Variants in CARHSP1 observed in about 807,000 individuals in gnomAD.
CARHSP1 encodes the protein calcium-regulated heat-stable protein 1.
Under a neutral mutation model 12.5 loss-of-function variants are expected in CARHSP1, and 14 were observed. The observed-to-expected ratio is 1.12, with a 90% CI of 0.74 to 1.75. CARHSP1 has a LOEUF of 1.75. Among genes scored for constraint, CARHSP1 ranks in the 40% most tolerant of loss-of-function variants. CARHSP1 has a pLI of 0.00. For missense variants in CARHSP1, 343 were observed against 201.6 expected (o/e 1.70, Z -4.25); for synonymous variants, 161 against 82.0 (o/e 1.96, Z -5.20).
chr16:8,859,036 C>A lies in CARHSP1; in HGVS notation c.158+135G>T, dbSNP rs549530461. On this transcript the variant is annotated intron_variant, in intron 2 of 3. Transcript: ENST00000311052. ...CGCCTTCCTAGTTTCTCACCCTCAG[C>A]CCACGGCCCAGCCCCAGGTCTGCCT... 217 of 776,698 alleles carry A rather than the reference C, an allele frequency of 2.8e-4. 1 individual carries two copies. Among genetic ancestry groups the A allele is most frequent in the Non-Finnish European group, 4.1e-4 (212 of 510,856 alleles). The allele number at this position is 776,698 out of a possible 1,614,324, so 48.1% of individuals were successfully genotyped here.
At chr16:8,866,434 G>A (rs1454670458) in intron 1 of CARHSP1, 1 of 985,148 alleles carries the variant, frequency 1.0e-6, no homozygotes, top group Non-Finnish European at 1.2e-6. Context: ...TAGTGCACCT[G>A]GGTTCCTCCT....
At chr16:8,864,518 C>G (rs552295354) in intron 1 of CARHSP1, among the ~76,000 whole-genome samples, 1 of 152,228 alleles carries the variant, frequency 6.6e-6, no homozygotes, top group Non-Finnish European at 1.5e-5. Flanking sequence ...AGAACGGAGA[C>G]ACAAAGAGTC....
At position 8,861,488 on chromosome 16, in the gene CARHSP1, C is replaced by T. The variant is rs777511823; in HGVS notation, c.-7-2153G>A. Among the ~76,000 whole-genome samples the T allele has an allele frequency of 2.0e-5, 3 of 152,038 alleles. 1 individual carries two copies. In the South Asian group the frequency reaches 6.2e-4, roughly 32 times the overall value. On this transcript the variant is annotated intron_variant, in intron 1 of 3. Coordinates refer to ENST00000311052, the MANE Select transcript of CARHSP1 (RefSeq NM_014316.4). Reference sequence around the variant, plus strand: ...AAAAATCCCACCGCACCCCCCGAACCGCCTTCAAGCATAGCCACCCAAGAA... The same window carrying T: ...AAAAATCCCACCGCACCCCCCGAACTGCCTTCAAGCATAGCCACCCAAGAA...
intron 3 of CARHSP1, chr16:8,857,446 C>CTTTTTTTTTT (rs35327475): frequency 4.0e-5 from 4 of 99,950 alleles, no homozygotes; most frequent in South Asian, 3.7e-4. Flanking sequence ...TCATTCCCCG[C>CTTTTTTTTTT]TTTTTTTTTT....
chr16:8,859,459 T>A (rs146547878), intron 1 of CARHSP1, 124 bp from the exon 2 acceptor site: 8 of 838,610 alleles, frequency 9.5e-6, no homozygotes, highest in East Asian at 2.8e-5. Context: ...CTCAGCACCA[T>A]TGTCACCTTG....
chr16:8,862,958 C>T (rs529619283), intron 1 of CARHSP1, among the ~76,000 whole-genome samples: 1 of 152,134 alleles, frequency 6.6e-6, no homozygotes, highest in Admixed American at 6.5e-5. Flanking sequence ...ACCCCAAGTG[C>T]ACCCAATCCT....
rs1488577227 is a variant in CARHSP1 at position 8,858,623 on chromosome 16, C to A, written c.159-151G>T. The A allele has an allele frequency of 1.2e-5, 11 of 931,374 alleles. No homozygotes were observed. In the East Asian group the frequency reaches 2.7e-4, roughly 23 times the overall value. 57.7% of individuals were successfully genotyped at this position (931,374 alleles called of 1,614,324 possible). A position where few individuals can be genotyped will look rare whatever the true frequency, so the allele number is the denominator to read the frequency against. ...GGCTGAGGACTGCACAACCCTCAACCCTGGGAGCCGCTCACAAAGACGCTG... is the reference window on the plus strand; with the variant it reads ...GGCTGAGGACTGCACAACCCTCAACACTGGGAGCCGCTCACAAAGACGCTG... On this transcript the variant is annotated intron_variant, in intron 2 of 3. Coordinates refer to ENST00000311052, the MANE Select transcript of CARHSP1 (RefSeq NM_014316.4).
At position 8,855,246 on chromosome 16, in the gene CARHSP1, A is replaced by G; in HGVS notation, c.362T>C (p.Leu121Pro). ...MCSIPPKNEK[L>P]QAVEVVITHL... ...AGTGATGACGACCTCCACGGCCTGC[A>G]GCTTCTCATTCTTGGGTGGGATGGA... The change falls in exon 4 of 4, where the codon CTG (leucine) becomes CCG (proline). Residue 121 changes from leucine (L) to proline (P), a missense_variant. Leu to Pro is a moderately conservative substitution (Grantham distance 98, BLOSUM62 -3). Transcript: ENST00000311052. 1.2e-6 allele frequency: 2 copies of G among 1,613,290 alleles called. No homozygotes were observed. Among genetic ancestry groups the G allele is most frequent in the Non-Finnish European group, 1.7e-6 (2 of 1,179,510 alleles).
At chr16:8,866,997 A>G (rs996466491) in intron 1 of CARHSP1, among the ~76,000 whole-genome samples, 1 of 152,128 alleles carries the variant, frequency 6.6e-6, no homozygotes, top group African/African-American at 2.4e-5. Flanking sequence ...GGGGGCCTCC[A>G]ACATTGCCAT....
rs567910982 is a variant in CARHSP1, at chr16:8,869,002, C to G, written c.-44G>C. 5.3e-5 allele frequency: 8 copies of G among 151,912 alleles called. No individual in the cohort carries two copies. The East Asian group carries it at 1.2e-3, about 22-fold the overall frequency. The allele number at this position is 151,912 out of a possible 1,614,324, so 9.4% of individuals were successfully genotyped here. On this transcript the variant is annotated 5_prime_UTR_variant, in exon 1 of 4. Transcript: ENST00000311052. The stretch of plus-strand genomic sequence containing the variant: ...TTCTGCTCCGCCAGCCGCTTCGCTC[C>G]GACTGAGAGCGCGGAGCTGGGGAGG...
chr16:8,855,357 TC>T (rs747903475), intron 3 of CARHSP1, 31 bp from the exon 4 acceptor site: 1 of 1,481,576 alleles, frequency 6.7e-7, no homozygotes, highest in Non-Finnish European at 9.1e-7. Flanking sequence ...CAGTCAGGGC[TC>T]ACACCGGGAC....
chr16:8,855,095 C>T lies in CARHSP1; in HGVS notation c.*69G>A, dbSNP rs995920576. 2.2e-6 allele frequency: 3 copies of T among 1,349,142 alleles called. No homozygotes were observed. Among genetic ancestry groups the T allele is most frequent in the Non-Finnish European group, 3.0e-6 (3 of 1,007,980 alleles). The allele number at this position is 1,349,142 out of a possible 1,614,324, so 83.6% of individuals were successfully genotyped here. ...CGTCTCGTGTGGAAGAATGTCATCT[C>T]CAGTGTCTGCTGCCTCCTCCCTGCA... On this transcript the variant is annotated 3_prime_UTR_variant, in exon 4 of 4. Coordinates refer to ENST00000311052, the MANE Select transcript of CARHSP1 (RefSeq NM_014316.4).
intron 1 of CARHSP1, chr16:8,867,153 A>C (rs1037468579): frequency 1.3e-5 from 2 of 152,130 alleles, no homozygotes; most frequent in Non-Finnish European, 2.9e-5. Flanking sequence ...TCCTGCGGGA[A>C]GCCCAAGCCC....
chr16:8,867,227 A>G (rs1378528617), intron 1 of CARHSP1: 1 of 146,720 alleles, frequency 6.8e-6, no homozygotes, highest in Non-Finnish European at 1.5e-5. Context: ...CCTTCCCTCC[A>G]TTCTCGGGGG....
rs796771096 is a variant in CARHSP1, at chr16:8,860,570, G to A, written c.-7-1235C>T. The A allele has an allele frequency of 3.0e-5, 29 of 970,122 alleles. No homozygotes were observed. The African/African-American group carries it at 3.5e-4, about 12-fold the overall frequency. The allele number at this position is 970,122 out of a possible 1,614,324, so 60.1% of individuals were successfully genotyped here. ...TTTCCCATCTCTGGGCTCAGTTTCC[G>A]AATCTGCAAAGTGGGGCAGCTGGGT... is the stretch of plus-strand genomic sequence containing the variant. On this transcript the variant is annotated intron_variant, in intron 1 of 3. Coordinates refer to ENST00000311052, the MANE Select transcript of CARHSP1 (RefSeq NM_014316.4).
chr16:8,860,558 G>T, intron 1 of CARHSP1: 1 of 983,352 alleles, frequency 1.0e-6, no homozygotes, highest in African/African-American at 1.7e-5. Flanking sequence ...CCCATCTCTG[G>T]GCTCAGTTTC....
At chr16:8,860,069 G>A in intron 1 of CARHSP1, 4 of 894,620 alleles carry the variant, frequency 4.5e-6, no homozygotes, top group Non-Finnish European at 5.4e-6. Context: ...GCTGCTGGGA[G>A]CCAGACACCA....
Position 8,855,040 on chromosome 16 carries a change from C to T in CARHSP1, c.*124G>A. The T allele has an allele frequency of 3.2e-6, 2 of 629,248 alleles. No individual in the cohort carries two copies. Among genetic ancestry groups the T allele is most frequent in the Non-Finnish European group, 2.4e-6 (1 of 424,422 alleles). 39.0% of individuals were successfully genotyped at this position (629,248 alleles called of 1,614,324 possible). A position where few individuals can be genotyped will look rare whatever the true frequency, so the allele number is the denominator to read the frequency against. ...CCCATACCCCTTCCTCCAGGAGATA[C>T]TTGAGAGGGACCATGCCCGGCTGAA... On this transcript the variant is annotated 3_prime_UTR_variant, in exon 4 of 4. Transcript: ENST00000311052.
In CARHSP1 at chr16:8,859,191, G is replaced by A; in HGVS notation, c.138C>T (p.Arg46=). 1 of 1,602,762 alleles carries A rather than the reference G, an allele frequency of 6.2e-7. No individual in the cohort carries two copies. The highest frequency in any genetic ancestry group is 8.5e-7 in the Non-Finnish European group (1 of 1,174,872). ...GNVVPSPLPT[R]RTRTFSATVR... ...CTCACGCCGAGAAGGTCCTCGTCCG[G>A]CGAGTGGGCAGTGGGCTTGGGACCA... is the stretch of plus-strand genomic sequence containing the variant. Residue 46 remains arginine (R), a synonymous_variant, in exon 2 of 4, where the codon CGC becomes CGT. Transcript: ENST00000311052.
Sources: allele counts gnomAD v4.1 joint callset (sites outside exome capture counted in the v4.1 genomes callset), GRCh38; gene constraint gnomAD v4.1.1; transcripts MANE v1.5; gene names NCBI Gene and HGNC (gene_info 2026-07-23, HGNC 2026-07-21).